CREB1: variants seen among roughly 807,000 people sequenced by gnomAD.
CREB1 encodes the protein cyclic AMP-responsive element-binding protein 1.
A neutral mutation model predicts 42.0 loss-of-function variants in CREB1; 2 were observed. The observed-to-expected ratio is 0.05, with a 90% CI of 0.02 to 0.15. The LOEUF is 0.15. Ranked by LOEUF, CREB1 falls within the 10% of genes least tolerant of loss-of-function variation. The pLI is 1.00. For missense variants in CREB1, 199 were observed against 388.9 expected (o/e 0.51, Z 4.11); for synonymous variants, 123 against 139.9 (o/e 0.88, Z 0.85).
chr2:207,568,605 T>G (rs959862113), intron 4 of CREB1, among the ~76,000 whole-genome samples: 1 of 152,154 alleles, frequency 6.6e-6, no homozygotes, highest in Non-Finnish European at 1.5e-5. Context: ...AACTATAAAT[T>G]TATGTGACTA....
chr2:207,564,510 TA>T (rs34127936), intron 3 of CREB1, among the ~76,000 whole-genome samples: 141 of 145,372 alleles, frequency 9.7e-4, no homozygotes, highest in African/African-American at 1.4e-3. Context: ...TCCTGTCTCT[TA>T]AAAAAAAAAA....
intron 1 of CREB1, chr2:207,534,554 C>T (rs2080789701): frequency 1.3e-5 from 2 of 152,286 alleles, no homozygotes; most frequent in South Asian, 4.2e-4. Flanking sequence ...GGGTCAGAAG[C>T]TACAACAAAT....
In CREB1 at chr2:207,553,861, T is replaced by G. The variant is rs1380665964; in HGVS notation, c.-8-1767T>G. ...TTCAGAGCTACTGCTTATAGTTTAGTGTTTAATCTTGCACACCTTTTGCAT... is the reference window on the plus strand; with the variant it reads ...TTCAGAGCTACTGCTTATAGTTTAGGGTTTAATCTTGCACACCTTTTGCAT... On this transcript the variant is annotated intron_variant, in intron 1 of 7. Coordinates refer to ENST00000353267, the MANE Select transcript of CREB1 (RefSeq NM_004379.5). 2.0e-5 allele frequency among the ~76,000 whole-genome samples: 3 copies of G among 152,342 alleles called. 1 individual carries two copies. The highest frequency in any genetic ancestry group is 6.8e-3 in the Middle Eastern group (2 of 294).
intron 3 of CREB1, among the ~76,000 whole-genome samples, chr2:207,566,490 T>A (rs1441283131): frequency 1.4e-4 from 22 of 152,170 alleles, no homozygotes. Flanking sequence ...AGTGAACTCT[T>A]CTAGTCTAGA....
chr2:207,532,820 C>T (rs1429160498), intron 1 of CREB1, among the ~76,000 whole-genome samples: 1 of 151,850 alleles, frequency 6.6e-6, no homozygotes, highest in Non-Finnish European at 1.5e-5. Context: ...GGGCTGGTCT[C>T]GGCTCACTCA....
chr2:207,576,304 T>C (rs2082599060), intron 6 of CREB1, among the ~76,000 whole-genome samples: 1 of 150,716 alleles, frequency 6.6e-6, no homozygotes, highest in Admixed American at 6.6e-5. Context: ...TGGATAGCAG[T>C]TAACCATTTT....
chr2:207,542,043 A>G (rs959887629), intron 1 of CREB1, among the ~76,000 whole-genome samples: 6 of 152,248 alleles, frequency 3.9e-5, no homozygotes, highest in African/African-American at 9.6e-5. Context: ...TATTGCCATA[A>G]TAGTCCATTT....
At chr2:207,570,036 A>T in intron 4 of CREB1, 143 bp from the exon 5 acceptor site, 1 of 539,226 alleles carries the variant, frequency 1.9e-6, no homozygotes, top group Non-Finnish European at 3.0e-6. Flanking sequence ...GCAAGACTCC[A>T]TCTCAAAAAA....
Position 207,546,806 on chromosome 2 carries a change from C to T in CREB1, c.-8-8822C>T, listed in dbSNP as rs760510415. Among the ~76,000 whole-genome samples, 7 of 151,770 alleles carry T rather than the reference C, an allele frequency of 4.6e-5. 1 individual carries two copies. Among genetic ancestry groups the T allele is most frequent in the Non-Finnish European group, 7.4e-5 (5 of 67,986 alleles). ...GTACTGTTGCCTGCATGCCATTTGT[C>T]AGTTTTAAAGATTAACCATGGTCAG... On this transcript the variant is annotated intron_variant, in intron 1 of 7. Coordinates refer to ENST00000353267, the MANE Select transcript of CREB1 (RefSeq NM_004379.5).
intron 7 of CREB1, among the ~76,000 whole-genome samples, chr2:207,589,653 A>C (rs891343573): frequency 1.3e-5 from 2 of 152,092 alleles, no homozygotes; most frequent in East Asian, 1.9e-4. Flanking sequence ...AGTTTCTGAG[A>C]GTTTTCATCA....
At chr2:207,543,223 T>C (rs2081165764) in intron 1 of CREB1, among the ~76,000 whole-genome samples, 1 of 152,158 alleles carries the variant, frequency 6.6e-6, no homozygotes, top group African/African-American at 2.4e-5. Context: ...CTTGGGGATT[T>C]TTTTCCCCCA....
intron 1 of CREB1, among the ~76,000 whole-genome samples, 176 bp from the exon 2 acceptor site, chr2:207,555,452 G>A (rs998088169): frequency 1.1e-4 from 16 of 152,246 alleles, no homozygotes; most frequent in African/African-American, 3.9e-4. Flanking sequence ...TTATAGCTCA[G>A]CAAATTTGAA....
intron 7 of CREB1, among the ~76,000 whole-genome samples, chr2:207,589,127 T>C (rs2084479925): frequency 6.6e-6 from 1 of 152,178 alleles, no homozygotes; most frequent in African/African-American, 2.4e-5. Context: ...GCCACAAACT[T>C]ACTGGCTTAA....
At chr2:207,546,641 C>T (rs183009158) in intron 1 of CREB1, among the ~76,000 whole-genome samples, 2 of 151,880 alleles carry the variant, frequency 1.3e-5, no homozygotes, top group Non-Finnish European at 2.9e-5. Context: ...GCAAGAGAAC[C>T]GCTTGAACCT....
At chr2:207,550,532 C>G (rs909151213) in intron 1 of CREB1, 1 of 151,968 alleles carries the variant, frequency 6.6e-6, no homozygotes, top group Non-Finnish European at 1.5e-5. Context: ...TAAACTTGAA[C>G]TAGAATGTTG....
Position 207,601,663 on chromosome 2 carries a change from A to G in CREB1, c.*4605A>G, listed in dbSNP as rs866217520. ...GAATAGTACAAGACTTTTTAAAGCA[A>G]TTGTCCTCACAGAGACCACATGTAA... is the stretch of plus-strand genomic sequence containing the variant. On this transcript the variant is annotated 3_prime_UTR_variant, in exon 8 of 8. Coordinates refer to ENST00000353267, the MANE Select transcript of CREB1 (RefSeq NM_004379.5). 12 of 213,252 alleles carry G rather than the reference A, an allele frequency of 5.6e-5. No individual in the cohort carries two copies. The highest frequency in any genetic ancestry group is 4.2e-4 in the East Asian group (6 of 14,148). The allele number at this position is 213,252 out of a possible 1,614,324, so 13.2% of individuals were successfully genotyped here.
intron 1 of CREB1, among the ~76,000 whole-genome samples, chr2:207,538,788 TGAA>T (rs2080977847): frequency 6.6e-6 from 1 of 152,236 alleles, no homozygotes; most frequent in African/African-American, 2.4e-5. Flanking sequence ...TTCTCTGAAA[TGAA>T]GACGTTTCTT....
In CREB1 at chr2:207,603,242, A is replaced by G. The variant is rs1044797767; in HGVS notation, c.*6184A>G. On this transcript the variant is annotated 3_prime_UTR_variant, in exon 8 of 8. Coordinates refer to ENST00000353267, the MANE Select transcript of CREB1 (RefSeq NM_004379.5). Reference sequence around the variant, plus strand: ...AGTTACAATGCATTTTATTAACACTATGTACATAATAGCTGCTTTGTGTTC... The same window carrying G: ...AGTTACAATGCATTTTATTAACACTGTGTACATAATAGCTGCTTTGTGTTC... 6 of 219,276 alleles carry G rather than the reference A, an allele frequency of 2.7e-5. No individual in the cohort carries two copies. Among genetic ancestry groups the G allele is most frequent in the Non-Finnish European group, 5.5e-5 (6 of 109,366 alleles). 13.6% of individuals were successfully genotyped at this position (219,276 alleles called of 1,614,324 possible).
At chr2:207,571,059 C>T in intron 5 of CREB1, among the ~76,000 whole-genome samples, 1 of 75,096 alleles carries the variant, frequency 1.3e-5, no homozygotes, top group East Asian at 4.1e-4. Context: ...TTTATTCATT[C>T]AGTGATTTTT....
Sources: allele counts gnomAD v4.1 joint callset (sites outside exome capture counted in the v4.1 genomes callset), GRCh38; gene constraint gnomAD v4.1.1; transcripts MANE v1.5; gene names NCBI Gene and HGNC (gene_info 2026-07-23, HGNC 2026-07-21).